ITPR1: variants seen among roughly 807,000 people sequenced by gnomAD.
The protein encoded by ITPR1 is inositol 1,4,5-trisphosphate-gated calcium channel ITPR1.
Under a neutral mutation model 318.4 loss-of-function variants are expected in ITPR1, and 96 were observed. That is an observed-to-expected ratio of 0.30 (90% confidence interval 0.26 to 0.36). The LOEUF is 0.36. ITPR1 is among the 10% of genes least tolerant of loss of function. The probability of loss-of-function intolerance (pLI) is 1.00; values close to 1 mark genes in which losing one functional copy is unlikely to be tolerated. For synonymous variants in ITPR1, 1,312 were observed against 1,289.9 expected (o/e 1.02, Z -0.37); for missense variants, 2,440 against 3,460.2 (o/e 0.71, Z 7.40).
chr3:4,838,029 C>T (rs1199180164), intron 61 of ITPR1, among the ~76,000 whole-genome samples: 1 of 152,142 alleles, frequency 6.6e-6, no homozygotes, highest in Non-Finnish European at 1.5e-5. Context: ...CTAATGAAGA[C>T]CGCATCTAGA....
At chr3:4,562,934 T>A (rs2125019981) in intron 4 of ITPR1, among the ~76,000 whole-genome samples, 1 of 126,288 alleles carries the variant, frequency 7.9e-6, no homozygotes, top group Admixed American at 9.6e-5. Flanking sequence ...ATAAGGAGGA[T>A]GTGATGCAGC....
intron 40 of ITPR1, among the ~76,000 whole-genome samples, chr3:4,724,749 G>A (rs1559776741): frequency 6.6e-6 from 1 of 152,122 alleles, no homozygotes; most frequent in East Asian, 1.9e-4. Context: ...GCCCCTGCAT[G>A]CCCTCTCACC....
intron 4 of ITPR1, among the ~76,000 whole-genome samples, chr3:4,526,791 T>C (rs1434032409): frequency 6.6e-6 from 1 of 152,230 alleles, no homozygotes; most frequent in Non-Finnish European, 1.5e-5. Flanking sequence ...TCACAAACAC[T>C]TATTGGGTAG....
At chr3:4,788,892 G>A (rs528293575) in intron 52 of ITPR1, among the ~76,000 whole-genome samples, 1 of 152,322 alleles carries the variant, frequency 6.6e-6, no homozygotes, top group Non-Finnish European at 1.5e-5. Flanking sequence ...GTTGTGACGT[G>A]TTGAGCTCTT....
At chr3:4,658,998 G>T (rs564835499) in intron 13 of ITPR1, among the ~76,000 whole-genome samples, 5 of 152,312 alleles carry the variant, frequency 3.3e-5, no homozygotes, top group African/African-American at 1.2e-4. Flanking sequence ...TCTTGTAGAT[G>T]AAGAAGCTGA....
intron 24 of ITPR1, among the ~76,000 whole-genome samples, chr3:4,678,955 G>A (rs771082468): frequency 1.2e-4 from 19 of 152,214 alleles, no homozygotes; most frequent in Non-Finnish European, 1.9e-4. Flanking sequence ...TCTCTGTTGA[G>A]CCTTTGAAAG....
chr3:4,723,080 G>A (rs912788803), intron 40 of ITPR1, among the ~76,000 whole-genome samples: 3 of 152,158 alleles, frequency 2.0e-5, no homozygotes, highest in Non-Finnish European at 2.9e-5. Flanking sequence ...CCCTGGAGGC[G>A]GAGGTTGCAG....
intron 4 of ITPR1, among the ~76,000 whole-genome samples, chr3:4,594,429 G>A (rs913277887): frequency 6.6e-6 from 1 of 152,046 alleles, no homozygotes; most frequent in East Asian, 1.9e-4. Context: ...AGGGTCCCCT[G>A]AACCAACCCA....
chr3:4,674,911 A>C (rs112087263), intron 22 of ITPR1, among the ~76,000 whole-genome samples, 157 bp from the exon 23 acceptor site: 182 of 152,276 alleles, frequency 1.2e-3, no homozygotes, highest in African/African-American at 4.1e-3. Context: ...TTATGAAACA[A>C]AATGAAAATT....
chr3:4,527,845 G>A (rs753764815), intron 4 of ITPR1, among the ~76,000 whole-genome samples: 3 of 152,148 alleles, frequency 2.0e-5, no homozygotes, highest in Non-Finnish European at 4.4e-5. Context: ...CTGGCACCAT[G>A]TTAGCCCCTT....
intron 4 of ITPR1, among the ~76,000 whole-genome samples, chr3:4,611,597 T>TAAATAAATAAA (rs60865914): frequency 2.0e-5 from 3 of 151,524 alleles, no homozygotes; most frequent in South Asian, 2.1e-4. Context: ...AATAAATAAA[T>TAAATAAATAAA]TAGCAGGTGT....
intron 16 of ITPR1, 114 bp from the exon 17 acceptor site, chr3:4,665,024 A>G: frequency 1.9e-6 from 2 of 1,070,778 alleles, no homozygotes; most frequent in East Asian, 2.4e-5. Flanking sequence ...GTGTTGGGAT[A>G]GAGAAATTTT....
intron 2 of ITPR1, among the ~76,000 whole-genome samples, chr3:4,497,171 A>G (rs1373520399): frequency 6.6e-6 from 1 of 152,166 alleles, no homozygotes; most frequent in Admixed American, 6.5e-5. Flanking sequence ...GATTCCTTAC[A>G]ATTCTCTTGG....
At chr3:4,636,373 A>G (rs2093190195) in intron 5 of ITPR1, among the ~76,000 whole-genome samples, 1 of 152,230 alleles carries the variant, frequency 6.6e-6, no homozygotes, top group Non-Finnish European at 1.5e-5. Context: ...GAATTAAAAT[A>G]GTATTAACTC....
At chr3:4,562,444 G>A (rs2086776892) in intron 4 of ITPR1, among the ~76,000 whole-genome samples, 1 of 152,002 alleles carries the variant, frequency 6.6e-6, no homozygotes, top group Non-Finnish European at 1.5e-5. Context: ...TTTACTGATA[G>A]TATGTGCAAA....
At chr3:4,829,521 A>C (rs2050302237) in intron 60 of ITPR1, among the ~76,000 whole-genome samples, 1 of 152,226 alleles carries the variant, frequency 6.6e-6, no homozygotes, top group South Asian at 2.1e-4. Flanking sequence ...TAATAAGAAA[A>C]AATTACTAGA....
chr3:4,768,652 C>A lies in ITPR1; in HGVS notation c.5867C>A (p.Ala1956Asp), dbSNP rs769041115. 1 of 1,613,918 alleles carries A rather than the reference C, an allele frequency of 6.2e-7. No homozygotes were observed. Among genetic ancestry groups the A allele is most frequent in the African/African-American group, 1.3e-5 (1 of 74,940 alleles). Residue 1956 changes from alanine (A) to aspartate (D), a missense_variant, in exon 46 of 62, where the codon GCC (alanine) becomes GAC (aspartate). Physicochemically the swap from Ala to Asp is moderately radical, Grantham distance 126. Transcript: ENST00000649015. ...TACCAGCCTGGAGAGGGCACCCAGGCCACTGCCGACAAGGCCAAGGACGAC... is the reference window on the plus strand; with the variant it reads ...TACCAGCCTGGAGAGGGCACCCAGGACACTGCCGACAAGGCCAAGGACGAC... ...DHYQPGEGTQ[A>D]TADKAKDDLE...
chr3:4,558,409 A>C (rs895753914), intron 4 of ITPR1, among the ~76,000 whole-genome samples: 2 of 152,216 alleles, frequency 1.3e-5, no homozygotes, highest in African/African-American at 4.8e-5. Context: ...TTTATAGACA[A>C]ATTACAAAGC....
At chr3:4,783,762 T>C in intron 50 of ITPR1, 54 bp from the exon 51 acceptor site, 1 of 1,308,872 alleles carries the variant, frequency 7.6e-7, no homozygotes. Context: ...GGAGTTTCTG[T>C]GTTCCTGTTG....
Sources: gnomAD v4.1 joint callset for allele counts (sites outside exome capture counted in the v4.1 genomes callset) on GRCh38, gnomAD v4.1.1 for gene constraint, MANE v1.5 for transcripts, NCBI Gene and HGNC (gene_info 2026-07-23, HGNC 2026-07-21) for gene names.